KCNQ1: variants seen among roughly 807,000 people sequenced by gnomAD.
KCNQ1 encodes potassium voltage-gated channel subfamily KQT member 1.
A neutral mutation model predicts 72.4 loss-of-function variants in KCNQ1; 49 were observed. The observed-to-expected ratio is 0.68, with a 90% CI of 0.54 to 0.86. KCNQ1 has a LOEUF of 0.86. Ranked by LOEUF, KCNQ1 falls within the 40% of genes least tolerant of loss-of-function variation. The probability of loss-of-function intolerance (pLI) is 0.00; values close to 1 mark genes in which losing one functional copy is unlikely to be tolerated. For synonymous variants in KCNQ1, 450 were observed against 412.6 expected, an observed-to-expected ratio of 1.09 and a Z score of -1.10; for missense variants, 790 against 945.1, an observed-to-expected ratio of 0.84 and a Z score of 2.15.
At position 2,617,382 on chromosome 11, in the gene KCNQ1, T is replaced by C. The variant is rs931863312; in HGVS notation, c.1393+28528T>C. The C allele has an allele frequency of 1.5e-5, 6 of 398,478 alleles. No homozygotes were observed. Among genetic ancestry groups the C allele is most frequent in the African/African-American group, 1.2e-4 (6 of 48,754 alleles). 24.7% of individuals were successfully genotyped at this position (398,478 alleles called of 1,614,324 possible). ...CTTAGCACAATGTCTTCCAGTTTCA[T>C]CCATGTGGCAAGTGGCAGGATCTCC... On this transcript the variant is annotated intron_variant, in intron 10 of 15. Coordinates refer to ENST00000155840, the MANE Select transcript of KCNQ1 (RefSeq NM_000218.3). The surrounding 1 kb of genome is among the most constrained non-coding windows in gnomAD (Gnocchi z 4.6).
chr11:2,662,032 C>T lies in KCNQ1; in HGVS notation c.1465C>T (p.Leu489=). ...FMRTNSFAED[L]DLEGETLLTP... ...GAGAACCAACAGCTTCGCCGAGGACCTGGACCTGGAAGGGGAGACTCTGCT... is the reference window on the plus strand; with the variant it reads ...GAGAACCAACAGCTTCGCCGAGGACTTGGACCTGGAAGGGGAGACTCTGCT... Residue 489 remains leucine (L), a synonymous_variant, in exon 11 of 16, where the codon CTG becomes TTG. Coordinates refer to ENST00000155840, the MANE Select transcript of KCNQ1 (RefSeq NM_000218.3). 3 of 1,614,232 alleles carry T rather than the reference C, an allele frequency of 1.9e-6. No homozygotes were observed. The highest frequency in any genetic ancestry group is 2.5e-6 in the Non-Finnish European group (3 of 1,180,038).
chr11:2,607,748 G>C (rs1214080992), intron 10 of KCNQ1, among the ~76,000 whole-genome samples: 1 of 152,170 alleles, frequency 6.6e-6, no homozygotes, highest in Non-Finnish European at 1.5e-5. Context: ...GTTGATAATG[G>C]TGTATTACAT....
Position 2,815,894 on chromosome 11 carries a change from C to T in KCNQ1, c.1795-31873C>T, listed in dbSNP as rs940810799. On this transcript the variant is annotated intron_variant, in intron 15 of 15. Coordinates refer to ENST00000155840, the MANE Select transcript of KCNQ1 (RefSeq NM_000218.3). The surrounding 1 kb of genome is among the most constrained non-coding windows in gnomAD (Gnocchi z 5.4). ...GGCTGTATCTAACAGCTGCCTGTGCCGAAAAATTAAGCACCGCTGAGTCGC... is the reference window on the plus strand; with the variant it reads ...GGCTGTATCTAACAGCTGCCTGTGCTGAAAAATTAAGCACCGCTGAGTCGC... Among the ~76,000 whole-genome samples the T allele has an allele frequency of 7.2e-5, 11 of 152,242 alleles. No individual in the cohort carries two copies. Among genetic ancestry groups the T allele is most frequent in the Admixed American group, 5.2e-4 (8 of 15,294 alleles).
At chr11:2,568,325 AC>A (rs1178045693) in intron 2 of KCNQ1, among the ~76,000 whole-genome samples, 1 of 151,964 alleles carries the variant, frequency 6.6e-6, no homozygotes, top group Non-Finnish European at 1.5e-5. Flanking sequence ...AACAAGAAAA[AC>A]CCTGCTAAGG....
intron 15 of KCNQ1, among the ~76,000 whole-genome samples, chr11:2,843,742 G>A (rs758480184): frequency 6.6e-5 from 10 of 152,248 alleles, no homozygotes; most frequent in Non-Finnish European, 1.0e-4. Flanking sequence ...AGGAATCCCC[G>A]TTGCCTTGGG....
rs1182019253 is a variant in KCNQ1 at position 2,642,130 on chromosome 11, T to A, written c.1394-19831T>A. On this transcript the variant is annotated intron_variant, in intron 10 of 15. Transcript: ENST00000155840. This position sits in a 1 kb window ranked among gnomAD's most constrained non-coding sequence, Gnocchi z 4.3. The stretch of plus-strand genomic sequence containing the variant: ...CTCTTTTTTGGTTCCATCTGAATTT[T>A]AGGATTTTTTCTATTTCCATGAAAA... The A allele has an allele frequency of 5.0e-6, 2 of 398,366 alleles. No individual in the cohort carries two copies. Among genetic ancestry groups the A allele is most frequent in the Non-Finnish European group, 8.9e-6 (2 of 225,978 alleles). The allele number at this position is 398,366 out of a possible 1,614,324, so 24.7% of individuals were successfully genotyped here. A position where few individuals can be genotyped will look rare whatever the true frequency, so the allele number is the denominator to read the frequency against.
At position 2,457,444 on chromosome 11, in the gene KCNQ1, T is replaced by G. The variant is rs1846213619; in HGVS notation, c.386+11960T>G. ...GATATATATACACCATGGAATACTA[T>G]GCAGACGTGAAAATCATGTCCTTTG... On this transcript the variant is annotated intron_variant, in intron 1 of 15. Coordinates refer to ENST00000155840, the MANE Select transcript of KCNQ1 (RefSeq NM_000218.3). The surrounding 1 kb of genome is among the most constrained non-coding windows in gnomAD (Gnocchi z 5.0). 6.6e-6 allele frequency among the ~76,000 whole-genome samples: 1 copy of G among 152,210 alleles called. No homozygotes were observed. The highest frequency in any genetic ancestry group is 1.5e-5 in the Non-Finnish European group (1 of 68,036).
chr11:2,445,404 G>A lies in KCNQ1; in HGVS notation c.306G>A (p.Ala102=), dbSNP rs761591068. The change falls in exon 1 of 16, where the codon GCG becomes GCA. Residue 102 remains alanine (A), a synonymous_variant. Coordinates refer to ENST00000155840, the MANE Select transcript of KCNQ1 (RefSeq NM_000218.3). ...ACAGCACGCGCCGCCCGGTGTTGGCGCGCACCCACGTCCAGGGCCGCGTCT... is the reference window on the plus strand; with the variant it reads ...ACAGCACGCGCCGCCCGGTGTTGGCACGCACCCACGTCCAGGGCCGCGTCT... ...SIYSTRRPVL[A]RTHVQGRVYN... is the part of the protein sequence containing the mutation. 29 of 1,597,888 alleles carry A rather than the reference G, an allele frequency of 1.8e-5. No homozygotes were observed. The highest frequency in any genetic ancestry group is 2.4e-5 in the Non-Finnish European group (28 of 1,179,682).
rs1369876942 is a variant in KCNQ1, at chr11:2,809,193, T to A, written c.1794+31156T>A. On this transcript the variant is annotated intron_variant, in intron 15 of 15. Coordinates refer to ENST00000155840, the MANE Select transcript of KCNQ1 (RefSeq NM_000218.3). This position sits in a 1 kb window ranked among gnomAD's most constrained non-coding sequence, Gnocchi z 7.1. ...TGCCTGCAGCTTTTGAATTGTTGAT[T>A]TTTTTCTTTTTTTAAGAAGAAACCA... Among the ~76,000 whole-genome samples, 1 of 152,154 alleles carries A rather than the reference T, an allele frequency of 6.6e-6. No individual in the cohort carries two copies. Among genetic ancestry groups the A allele is most frequent in the Non-Finnish European group, 1.5e-5 (1 of 68,028 alleles).
intron 1 of KCNQ1, among the ~76,000 whole-genome samples, chr11:2,465,535 A>G (rs538810148): frequency 6.6e-6 from 1 of 152,352 alleles, no homozygotes; most frequent in East Asian, 1.9e-4. Flanking sequence ...ACACTTGCCC[A>G]GGGTCACACA....
chr11:2,772,810 T>G lies in KCNQ1; in HGVS notation c.1591-3150T>G, dbSNP rs535443161. Among the ~76,000 whole-genome samples the G allele has an allele frequency of 2.6e-5, 4 of 152,182 alleles. No homozygotes were observed. The highest frequency in any genetic ancestry group is 9.6e-5 in the African/African-American group (4 of 41,458). ...CACACCTACACCCACCTGGTCACAG[T>G]GGCCCAGAGACTCCTAGGGCTTGGT... On this transcript the variant is annotated intron_variant, in intron 12 of 15. Coordinates refer to ENST00000155840, the MANE Select transcript of KCNQ1 (RefSeq NM_000218.3). This position sits in a 1 kb window ranked among gnomAD's most constrained non-coding sequence, Gnocchi z 6.6.
In KCNQ1 at chr11:2,809,679, T is replaced by C. The variant is rs1425109127; in HGVS notation, c.1794+31642T>C. 6.6e-6 allele frequency among the ~76,000 whole-genome samples: 1 copy of C among 152,128 alleles called. No individual in the cohort carries two copies. Among genetic ancestry groups the C allele is most frequent in the African/African-American group, 2.4e-5 (1 of 41,412 alleles). ...ACGGCTCATGCCTGCTTCCCTGCTA[T>C]CCTCCTGTGCACTGTTGGCCTTTAT... On this transcript the variant is annotated intron_variant, in intron 15 of 15. Transcript: ENST00000155840. This position sits in a 1 kb window ranked among gnomAD's most constrained non-coding sequence, Gnocchi z 7.1.
chr11:2,492,729 AC>A lies in KCNQ1; in HGVS notation c.387-35198del, dbSNP rs1326220323. On this transcript the variant is annotated intron_variant, in intron 1 of 15. Coordinates refer to ENST00000155840, the MANE Select transcript of KCNQ1 (RefSeq NM_000218.3). This position sits in a 1 kb window ranked among gnomAD's most constrained non-coding sequence, Gnocchi z 4.1. ...TATTATTCCATGGTGTATATGTGCCACATTTTCTTTATCCAGCCTATCATTG... is the reference window on the plus strand; with the variant it reads ...TATTATTCCATGGTGTATATGTGCCAATTTTCTTTATCCAGCCTATCATTG... 6.6e-6 allele frequency among the ~76,000 whole-genome samples: 1 copy of A among 152,164 alleles called. No individual in the cohort carries two copies. Among genetic ancestry groups the A allele is most frequent in the East Asian group, 1.9e-4 (1 of 5,204 alleles).
chr11:2,585,802 C>T (rs1848584448), intron 8 of KCNQ1, among the ~76,000 whole-genome samples: 1 of 152,182 alleles, frequency 6.6e-6, no homozygotes, highest in African/African-American at 2.4e-5. Flanking sequence ...TCCCTCTGGG[C>T]TCACAAGGCC....
rs1219161095 is a variant in KCNQ1, at chr11:2,541,458, G to A, written c.477+13440G>A. 6.6e-6 allele frequency among the ~76,000 whole-genome samples: 1 copy of A among 152,138 alleles called. No homozygotes were observed. The highest frequency in any genetic ancestry group is 1.5e-5 in the Non-Finnish European group (1 of 68,036). ...CTGGGGAGGGTCAGGGATGGCTGCT[G>A]TCCTCGGGGGAGGGACTGAGCTGGG... is the stretch of plus-strand genomic sequence containing the variant. On this transcript the variant is annotated intron_variant, in intron 2 of 15. Coordinates refer to ENST00000155840, the MANE Select transcript of KCNQ1 (RefSeq NM_000218.3). The surrounding 1 kb of genome is among the most constrained non-coding windows in gnomAD (Gnocchi z 4.8).
chr11:2,680,046 A>G (rs1295768272), intron 11 of KCNQ1: 2 of 396,178 alleles, frequency 5.0e-6, no homozygotes, highest in East Asian at 3.6e-5. Flanking sequence ...GACATCTGCC[A>G]CCATGACTGG....
chr11:2,749,377 A>G (rs924987133), intron 11 of KCNQ1, among the ~76,000 whole-genome samples: 1 of 152,156 alleles, frequency 6.6e-6, no homozygotes, highest in African/African-American at 2.4e-5. Context: ...CTCAGTCTGC[A>G]CTGGGAATGG....
Position 2,818,667 on chromosome 11 carries a change from C to G in KCNQ1, c.1795-29100C>G, listed in dbSNP as rs768016933. Among the ~76,000 whole-genome samples the G allele has an allele frequency of 1.2e-4, 18 of 152,186 alleles. No individual in the cohort carries two copies. The highest frequency in any genetic ancestry group is 2.5e-4 in the Non-Finnish European group (17 of 68,034). ...TACCAGCCCAGCTGCTGGTCCCTAACCGGGCCCACCTGTTGGGTCCTTAGC... is the reference window on the plus strand; with the variant it reads ...TACCAGCCCAGCTGCTGGTCCCTAAGCGGGCCCACCTGTTGGGTCCTTAGC... On this transcript the variant is annotated intron_variant, in intron 15 of 15. Coordinates refer to ENST00000155840, the MANE Select transcript of KCNQ1 (RefSeq NM_000218.3). The surrounding 1 kb of genome is among the most constrained non-coding windows in gnomAD (Gnocchi z 7.2).
intron 11 of KCNQ1, among the ~76,000 whole-genome samples, chr11:2,760,347 G>A (rs191455787): frequency 2.6e-5 from 4 of 152,354 alleles, no homozygotes; most frequent in Admixed American, 2.6e-4. Flanking sequence ...ACCAGCGGAT[G>A]GGGGTGGGGA....
Sources: gnomAD v4.1 joint callset for allele counts (sites outside exome capture counted in the v4.1 genomes callset) on GRCh38, gnomAD v4.1.1 for gene constraint, Gnocchi (gnomAD v3.1) non-coding constraint, MANE v1.5 for transcripts, NCBI Gene and HGNC (gene_info 2026-07-23, HGNC 2026-07-21) for gene names.